SYNE1: variants seen among roughly 807,000 people sequenced by gnomAD.
SYNE1 encodes the protein nesprin-1.
Under a neutral mutation model 1,111.0 loss-of-function variants are expected in SYNE1, and 616 were observed. The observed-to-expected ratio is 0.55, with a 90% confidence interval of 0.52 to 0.59. The LOEUF is 0.59. Ranked by LOEUF, SYNE1 falls within the 20% of genes least tolerant of loss-of-function variation. SYNE1 has a pLI of 0.00. For synonymous variants in SYNE1, 3,855 were observed against 3,825.8 expected, an observed-to-expected ratio of 1.01 and a Z score of -0.28; for missense variants, 10,006 against 10,417.0, an observed-to-expected ratio of 0.96 and a Z score of 1.72.
chr6:152,446,325 A>G, intron 29 of SYNE1, among the ~76,000 whole-genome samples: 1 of 152,166 alleles, frequency 6.6e-6, no homozygotes, highest in Non-Finnish European at 1.5e-5. Flanking sequence ...GGATAATCAA[A>G]GGATTGAAAT....
At chr6:152,537,936 A>G (rs1405089895) in intron 4 of SYNE1, among the ~76,000 whole-genome samples, 2 of 152,204 alleles carry the variant, frequency 1.3e-5, no homozygotes, top group Admixed American at 6.6e-5. Flanking sequence ...AATTTAACTC[A>G]TAAACGGTTT....
chr6:152,146,357 C>G (rs2059513187), intron 137 of SYNE1: 2 of 152,186 alleles, frequency 1.3e-5, no homozygotes, highest in Admixed American at 1.3e-4. Context: ...AATTTTAACA[C>G]TACATTAGAC....
At chr6:152,476,700 C>A (rs2098836658) in intron 14 of SYNE1, among the ~76,000 whole-genome samples, 1 of 151,872 alleles carries the variant, frequency 6.6e-6, no homozygotes, top group Non-Finnish European at 1.5e-5. Context: ...GAAACCCTAT[C>A]TCTCCAAAAA....
chr6:152,445,711 CCA>C (rs1364439005), intron 29 of SYNE1, among the ~76,000 whole-genome samples: 1 of 151,182 alleles, frequency 6.6e-6, no homozygotes, highest in African/African-American at 2.4e-5. Flanking sequence ...GTGCATCCAC[CCA>C]CAGTCTTTTT....
chr6:152,354,805 T>C lies in SYNE1; in HGVS notation c.10780A>G (p.Asn3594Asp), dbSNP rs769056680. 6.2e-7 allele frequency: 1 copy of C among 1,614,218 alleles called. No homozygotes were observed. The highest frequency in any genetic ancestry group is 8.5e-7 in the Non-Finnish European group (1 of 1,180,042). The change falls in exon 67 of 146, where the codon AAT (asparagine) becomes GAT (aspartate). Residue 3594 changes from asparagine (N) to aspartate (D), a missense_variant. Physicochemically the swap from Asn to Asp is conservative, Grantham distance 23. Transcript: ENST00000367255. ...AGCCTCAATTTGTTCACCACGTTAT[T>C]GAACTGAGTTCGAGTCTCGGACAGC... ...HRLSETRTQF[N>D]NVVNKLRLME...
chr6:152,180,438 G>A (rs1440039447), intron 128 of SYNE1, 144 bp from the exon 129 acceptor site: 7 of 803,194 alleles, frequency 8.7e-6, no homozygotes, highest in Admixed American at 2.6e-5. Flanking sequence ...TCTAGGATTT[G>A]CTATTATAAA....
intron 124 of SYNE1, among the ~76,000 whole-genome samples, chr6:152,208,419 T>C (rs1335168528): frequency 6.6e-6 from 1 of 152,142 alleles, no homozygotes; most frequent in Non-Finnish European, 1.5e-5. Flanking sequence ...ATGGTGAGTG[T>C]TTTCATGTCT....
chr6:152,532,270 T>C (rs972475232), intron 4 of SYNE1, among the ~76,000 whole-genome samples: 1 of 152,160 alleles, frequency 6.6e-6, no homozygotes, highest in Admixed American at 6.5e-5. Flanking sequence ...AAGAAAATGA[T>C]AAAATCACCT....
At chr6:152,601,792 A>G (rs2099596817) in intron 3 of SYNE1, among the ~76,000 whole-genome samples, 1 of 152,200 alleles carries the variant, frequency 6.6e-6, no homozygotes, top group Non-Finnish European at 1.5e-5. Context: ...CCAGCAGTAG[A>G]TGAAATGAGA....
At chr6:152,369,223 G>C in intron 60 of SYNE1, 96 bp from the exon 61 acceptor site, 2 of 1,512,596 alleles carry the variant, frequency 1.3e-6, no homozygotes, top group African/African-American at 1.4e-5. Flanking sequence ...ACACTGGCAG[G>C]CAGTCCGTGT....
At chr6:152,558,974 A>T (rs1020378498) in intron 3 of SYNE1, among the ~76,000 whole-genome samples, 7 of 140,276 alleles carry the variant, frequency 5.0e-5, no homozygotes, top group South Asian at 2.2e-4. Flanking sequence ...AACATATTTA[A>T]TTTTTATTTA....
intron 3 of SYNE1, among the ~76,000 whole-genome samples, chr6:152,542,424 C>T (rs1329975412): frequency 6.6e-6 from 1 of 152,088 alleles, no homozygotes; most frequent in South Asian, 2.1e-4. Flanking sequence ...GTAGCACTTC[C>T]TATATACCAG....
At chr6:152,451,243 G>T (rs1391219442) in intron 25 of SYNE1, 38 bp from the exon 26 acceptor site, 12 of 1,598,382 alleles carry the variant, frequency 7.5e-6, no homozygotes, top group Non-Finnish European at 1.0e-5. Context: ...TTAGGATGAA[G>T]TTCCTGATTA....
intron 3 of SYNE1, among the ~76,000 whole-genome samples, chr6:152,618,931 A>G (rs1282502666): frequency 1.3e-5 from 2 of 152,156 alleles, no homozygotes; most frequent in Non-Finnish European, 2.9e-5. Flanking sequence ...ATAAATTACT[A>G]CTTATGATTA....
At chr6:152,550,426 G>A (rs1389691771) in intron 3 of SYNE1, among the ~76,000 whole-genome samples, 3 of 151,958 alleles carry the variant, frequency 2.0e-5, no homozygotes, top group African/African-American at 7.3e-5. Context: ...AAATTTTAAT[G>A]TATTTGTCAC....
chr6:152,589,682 T>C (rs1332036211), intron 3 of SYNE1, among the ~76,000 whole-genome samples: 1 of 152,092 alleles, frequency 6.6e-6, no homozygotes, highest in Non-Finnish European at 1.5e-5. Context: ...GGACTCCCCT[T>C]TAGAGAGGCA....
chr6:152,467,856 G>C (rs1297938838), intron 16 of SYNE1, among the ~76,000 whole-genome samples: 1 of 151,992 alleles, frequency 6.6e-6, no homozygotes, highest in Non-Finnish European at 1.5e-5. Context: ...TCTGAACATG[G>C]AGTAAATGCA....
chr6:152,152,274 T>A (rs1209403775), intron 133 of SYNE1, 133 bp from the exon 134 acceptor site: 1 of 812,536 alleles, frequency 1.2e-6, no homozygotes, highest in African/African-American at 1.7e-5. Flanking sequence ...TGATGTCTAA[T>A]AACGGTACAC....
At chr6:152,308,967 A>G (rs767027406) in intron 90 of SYNE1, among the ~76,000 whole-genome samples, 10 of 152,182 alleles carry the variant, frequency 6.6e-5, no homozygotes, top group Non-Finnish European at 1.5e-4. Flanking sequence ...TTTTCCATCT[A>G]ACAAATACTG....
Sources: gnomAD v4.1 joint callset for allele counts (sites outside exome capture counted in the v4.1 genomes callset) on GRCh38, gnomAD v4.1.1 for gene constraint, MANE v1.5 for transcripts, NCBI Gene and HGNC (gene_info 2026-07-23, HGNC 2026-07-21) for gene names.